Variants in COL21A1 observed in about 807,000 individuals in gnomAD.
COL21A1 encodes collagen alpha-1(XXI) chain.
In COL21A1, 149 loss-of-function variants were observed where a neutral mutation model predicts 137.9. That is an observed-to-expected ratio of 1.08 (90% CI 0.95 to 1.24). The LOEUF (loss-of-function observed/expected upper bound fraction) is 1.24. Among genes scored for constraint, COL21A1 ranks in the 50% most tolerant of loss-of-function variants. The pLI, the probability that COL21A1 is intolerant of heterozygous loss-of-function variation, is 0.00. For missense variants in COL21A1, 1,167 were observed against 1,158.4 expected, an observed-to-expected ratio of 1.01 and a Z score of -0.11; for synonymous variants, 456 against 391.5, an observed-to-expected ratio of 1.16 and a Z score of -1.95.
chr6:56,240,138 T>C (rs905594133), intron 1 of COL21A1, among the ~76,000 whole-genome samples: 10 of 150,010 alleles, frequency 6.7e-5, no homozygotes, highest in African/African-American at 2.5e-4. Context: ...CCTAGCCACA[T>C]GGAACTGTGA....
intron 1 of COL21A1, among the ~76,000 whole-genome samples, chr6:56,287,156 T>C (rs1582757298): frequency 6.6e-6 from 1 of 152,222 alleles, no homozygotes; most frequent in Non-Finnish European, 1.5e-5. Context: ...TTGAACTTGA[T>C]CTGCCACTAA....
At chr6:56,329,284 CACTTAATAATT>C (rs936026852) in intron 1 of COL21A1, among the ~76,000 whole-genome samples, 3 of 152,028 alleles carry the variant, frequency 2.0e-5, no homozygotes, top group Non-Finnish European at 4.4e-5. Context: ...GATGCACACA[CACTTAATAATT>C]ATGAGGGCTA....
chr6:56,262,284 C>A (rs1763297527), intron 1 of COL21A1, among the ~76,000 whole-genome samples: 1 of 152,200 alleles, frequency 6.6e-6, no homozygotes, highest in Non-Finnish European at 1.5e-5. Context: ...CTTAGACCAT[C>A]CTCTGTACTT....
At chr6:56,129,488 A>G (rs879551014) in intron 12 of COL21A1, among the ~76,000 whole-genome samples, 5 of 152,216 alleles carry the variant, frequency 3.3e-5, no homozygotes, top group Admixed American at 3.3e-4. Flanking sequence ...TTCTCATTTA[A>G]ACTACTGCAT....
chr6:56,083,522 ATC>A (rs1348214020), intron 17 of COL21A1, among the ~76,000 whole-genome samples: 1 of 151,900 alleles, frequency 6.6e-6, no homozygotes, highest in Admixed American at 6.6e-5. Context: ...CATCTACAAA[ATC>A]TCTTTGCTGT....
At chr6:56,193,794 C>T (rs1338248288) in intron 1 of COL21A1, among the ~76,000 whole-genome samples, 4 of 139,006 alleles carry the variant, frequency 2.9e-5, no homozygotes, top group African/African-American at 1.1e-4. Flanking sequence ...GTCTCACTCT[C>T]ACCAGGCTGG....
intron 17 of COL21A1, among the ~76,000 whole-genome samples, chr6:56,090,575 T>C (rs1768710300): frequency 6.6e-6 from 1 of 152,164 alleles, no homozygotes; most frequent in Non-Finnish European, 1.5e-5. Context: ...ATTTAGTCAA[T>C]CCTACAGATA....
intron 1 of COL21A1, among the ~76,000 whole-genome samples, chr6:56,224,730 AT>A (rs1376836282): frequency 1.3e-5 from 2 of 152,088 alleles, no homozygotes; most frequent in Middle Eastern, 3.2e-3. Context: ...AAGTCCCTTA[AT>A]GGAAAAAGCA....
At chr6:56,275,793 C>A (rs866052174) in intron 1 of COL21A1, among the ~76,000 whole-genome samples, 1 of 152,102 alleles carries the variant, frequency 6.6e-6, no homozygotes, top group East Asian at 1.9e-4. Context: ...ATGACTTCAG[C>A]GACTGTAGAA....
At chr6:56,176,945 A>C (rs1448403932) in intron 3 of COL21A1, among the ~76,000 whole-genome samples, 2 of 139,900 alleles carry the variant, frequency 1.4e-5, no homozygotes, top group Non-Finnish European at 3.1e-5. Flanking sequence ...AAGGAGGAGG[A>C]GGGAGGAGGA....
rs73461344 is a variant in COL21A1, at chr6:56,136,519, T to C, written c.1542+5266A>G. On this transcript the variant is annotated intron_variant, in intron 12 of 29. Coordinates refer to ENST00000244728, the MANE Select transcript of COL21A1 (RefSeq NM_030820.4). ...ATCCAAACTAGTAAGATAATTCCAC[T>C]TCCCACAGGCTGCTTTCCAAACCTT... Among the ~76,000 whole-genome samples, 647 of 152,286 alleles carry C rather than the reference T, an allele frequency of 4.2e-3. 3 individuals are homozygous for C. Among genetic ancestry groups the C allele is most frequent in the African/African-American group, 0.015 (620 of 41,572 alleles).
intron 1 of COL21A1, among the ~76,000 whole-genome samples, chr6:56,236,162 T>C (rs1276938985): frequency 6.6e-6 from 1 of 151,966 alleles, no homozygotes; most frequent in African/African-American, 2.4e-5. Flanking sequence ...ACACAAACCA[T>C]CTCAAAGAAG....
intron 3 of COL21A1, among the ~76,000 whole-genome samples, chr6:56,175,970 C>T (rs1000496541): frequency 6.6e-6 from 1 of 151,998 alleles, no homozygotes; most frequent in Non-Finnish European, 1.5e-5. Context: ...GCCCAGAAAA[C>T]ACTCTTGCAT....
chr6:56,313,951 C>T (rs1764670973), intron 1 of COL21A1, among the ~76,000 whole-genome samples: 1 of 152,148 alleles, frequency 6.6e-6, no homozygotes, highest in Admixed American at 6.5e-5. Flanking sequence ...GCTCTTTCTG[C>T]TTTGCCAAGA....
chr6:56,314,796 A>G (rs1764693837), intron 1 of COL21A1, among the ~76,000 whole-genome samples: 1 of 152,150 alleles, frequency 6.6e-6, no homozygotes, highest in African/African-American at 2.4e-5. Flanking sequence ...CATTCTCTAA[A>G]TGGAACAAAA....
At chr6:56,384,649 C>A (rs2094014451) in intron 1 of COL21A1, among the ~76,000 whole-genome samples, 1 of 152,124 alleles carries the variant, frequency 6.6e-6, no homozygotes, top group African/African-American at 2.4e-5. Context: ...ACAACAGATT[C>A]TGTGTAGAAC....
intron 1 of COL21A1, among the ~76,000 whole-genome samples, chr6:56,330,690 T>C (rs1765200683): frequency 6.6e-6 from 1 of 152,100 alleles, no homozygotes; most frequent in Admixed American, 6.6e-5. Flanking sequence ...TCCTGTATTA[T>C]CCAATCATCC....
chr6:56,244,440 CCTT>C (rs376771533), intron 1 of COL21A1, among the ~76,000 whole-genome samples: 10 of 152,312 alleles, frequency 6.6e-5, no homozygotes, highest in African/African-American at 2.4e-4. Flanking sequence ...ATGCCTCTGA[CCTT>C]CTTTTTCATC....
chr6:56,142,303 T>A (rs1015912404), intron 10 of COL21A1, among the ~76,000 whole-genome samples: 1 of 152,150 alleles, frequency 6.6e-6, no homozygotes, highest in Non-Finnish European at 1.5e-5. Flanking sequence ...ATTCAACATA[T>A]CCAAGAGAGA....
Sources: gnomAD v4.1 joint callset for allele counts (sites outside exome capture counted in the v4.1 genomes callset) on GRCh38, gnomAD v4.1.1 for gene constraint, MANE v1.5 for transcripts, NCBI Gene and HGNC (gene_info 2026-07-23, HGNC 2026-07-21) for gene names.